The following PTPN1 variants were observed in gnomAD, a reference collection of about 807,000 sequenced individuals.
PTPN1 encodes tyrosine-protein phosphatase non-receptor type 1.
PTPN1 carries 12 observed loss-of-function variants against 59.9 expected under a neutral mutation model. That is an observed-to-expected ratio of 0.20 (90% CI 0.13 to 0.32). The LOEUF (loss-of-function observed/expected upper bound fraction) is 0.32, where lower values mean the gene tolerates loss of function less well. Among genes scored for constraint, PTPN1 ranks in the 10% least tolerant of loss-of-function variants. The pLI is 1.00. For synonymous variants in PTPN1, 178 were observed against 203.6 expected (o/e 0.87, Z 1.07); for missense variants, 356 against 549.2 (o/e 0.65, Z 3.52).
chr20:50,534,676 C>T (rs949406533), intron 1 of PTPN1, among the ~76,000 whole-genome samples: 39 of 152,028 alleles, frequency 2.6e-4, no homozygotes, highest in Admixed American at 2.1e-3. Flanking sequence ...ATCTTCAACT[C>T]TAATTTACTC....
chr20:50,533,399 G>A (rs1424431486), intron 1 of PTPN1, among the ~76,000 whole-genome samples: 1 of 151,948 alleles, frequency 6.6e-6, no homozygotes, highest in African/African-American at 2.4e-5. Flanking sequence ...AACTTGTCTT[G>A]GGAGCTCTCA....
chr20:50,563,487 G>T (rs933671576), intron 2 of PTPN1, among the ~76,000 whole-genome samples: 51 of 152,176 alleles, frequency 3.4e-4, no homozygotes, highest in African/African-American at 1.2e-3. Context: ...GAGTCACCCA[G>T]TGCTGTTTGA....
chr20:50,577,269 G>A (rs1392815132), intron 5 of PTPN1, among the ~76,000 whole-genome samples: 2 of 152,224 alleles, frequency 1.3e-5, no homozygotes, highest in Admixed American at 6.5e-5. Context: ...CACAGTGACT[G>A]GCACATGATT....
chr20:50,561,847 G>C (rs897250827), intron 2 of PTPN1, among the ~76,000 whole-genome samples: 1 of 152,122 alleles, frequency 6.6e-6, no homozygotes, highest in Non-Finnish European at 1.5e-5. Context: ...ACAGGCATTC[G>C]GGGTGGGCAC....
chr20:50,511,248 A>G (rs3787333), intron 1 of PTPN1, among the ~76,000 whole-genome samples: 2,929 of 152,306 alleles, frequency 0.019, 85 homozygotes, highest in East Asian at 0.13. Flanking sequence ...ACAAAAGCAA[A>G]TAATTTCAGA....
chr20:50,552,498 C>T (rs940705782), intron 1 of PTPN1, among the ~76,000 whole-genome samples: 5 of 152,082 alleles, frequency 3.3e-5, no homozygotes, highest in East Asian at 1.9e-4. Flanking sequence ...ATCCCATCTG[C>T]GCGTAGCAGC....
chr20:50,558,596 G>A (rs1417616179), intron 1 of PTPN1, among the ~76,000 whole-genome samples: 1 of 151,936 alleles, frequency 6.6e-6, no homozygotes, highest in Admixed American at 6.6e-5. Flanking sequence ...CATGTATCTG[G>A]GTGGTTGGTC....
chr20:50,530,175 A>ATTTTT (rs781236833), intron 1 of PTPN1, among the ~76,000 whole-genome samples: 1 of 121,090 alleles, frequency 8.3e-6, no homozygotes, highest in Non-Finnish European at 1.7e-5. Context: ...TGCCTGGCTG[A>ATTTTT]TTTTTTTTTT....
At position 50,579,878 on chromosome 20, in the gene PTPN1, A is replaced by G; in HGVS notation, c.1040A>G (p.Lys347Arg). ...ETQEDKDCPI[K>R]EEKGSPLNAA... ...CAGGAGGATAAAGACTGCCCCATCA[A>G]GGAAGAAAAAGGAAGCCCCTTAAAT... Residue 347 changes from lysine (K) to arginine (R), a missense_variant, in exon 8 of 10, where the codon AAG (lysine) becomes AGG (arginine). Physicochemically the swap from Lys to Arg is conservative, Grantham distance 26. This residue lies in a region of PTPN1 where 100 missense variants were observed against 107.7 expected (regional missense o/e 0.93). Coordinates refer to ENST00000371621, the MANE Select transcript of PTPN1 (RefSeq NM_002827.4). 1 of 1,614,176 alleles carries G rather than the reference A, an allele frequency of 6.2e-7. No homozygotes were observed. Among genetic ancestry groups the G allele is most frequent in the Non-Finnish European group, 8.5e-7 (1 of 1,180,028 alleles).
At chr20:50,531,849 G>A (rs900896377) in intron 1 of PTPN1, among the ~76,000 whole-genome samples, 5 of 151,636 alleles carry the variant, frequency 3.3e-5, no homozygotes, top group African/African-American at 4.8e-5. Flanking sequence ...TCCTCTCCCC[G>A]CTAGTGGTAC....
chr20:50,537,105 A>G (rs2082627110), intron 1 of PTPN1, among the ~76,000 whole-genome samples: 1 of 152,142 alleles, frequency 6.6e-6, no homozygotes, highest in Non-Finnish European at 1.5e-5. Flanking sequence ...CAGGCAGATC[A>G]TGAGGTCAGG....
intron 1 of PTPN1, among the ~76,000 whole-genome samples, chr20:50,520,573 A>C (rs1391921457): frequency 6.6e-6 from 1 of 152,190 alleles, no homozygotes; most frequent in African/African-American, 2.4e-5. Flanking sequence ...GGCTGTGTAT[A>C]GGAAACCTTC....
chr20:50,541,136 A>G (rs1394918725), intron 1 of PTPN1, among the ~76,000 whole-genome samples: 1 of 152,210 alleles, frequency 6.6e-6, no homozygotes, highest in African/African-American at 2.4e-5. Context: ...AACACCCAGC[A>G]TTCCCTGGAT....
chr20:50,525,963 T>A (rs1474065646), intron 1 of PTPN1, among the ~76,000 whole-genome samples: 1 of 152,070 alleles, frequency 6.6e-6, no homozygotes, highest in Non-Finnish European at 1.5e-5. Flanking sequence ...TAATGAGTGA[T>A]AAAAAGGCAT....
chr20:50,577,358 C>T (rs975071574), intron 5 of PTPN1: 1 of 152,282 alleles, frequency 6.6e-6, no homozygotes, highest in African/African-American at 2.4e-5. Context: ...CCATCAGCTG[C>T]TCGCCAGGTG....
At chr20:50,542,454 A>T (rs1378069998) in intron 1 of PTPN1, among the ~76,000 whole-genome samples, 1 of 152,132 alleles carries the variant, frequency 6.6e-6, no homozygotes, top group African/African-American at 2.4e-5. Flanking sequence ...TTCTTTGTTC[A>T]TCCTGATTTT....
intron 1 of PTPN1, among the ~76,000 whole-genome samples, chr20:50,535,320 G>T (rs796612799): frequency 1.1e-4 from 16 of 152,122 alleles, no homozygotes; most frequent in African/African-American, 3.6e-4. Flanking sequence ...CACCTGCAGC[G>T]CATGCTCCAC....
At chr20:50,529,188 G>A (rs1462138376) in intron 1 of PTPN1, among the ~76,000 whole-genome samples, 3 of 152,198 alleles carry the variant, frequency 2.0e-5, no homozygotes, top group Non-Finnish European at 4.4e-5. Flanking sequence ...TAGTTTCCCT[G>A]TGGCTTATTA....
intron 2 of PTPN1, chr20:50,562,885 C>G (rs1459300729): frequency 6.6e-6 from 1 of 152,074 alleles, no homozygotes; most frequent in African/African-American, 2.4e-5. Context: ...TATAGTTGCT[C>G]TAATTAGGGA....
Sources: gnomAD v4.1 joint callset for allele counts (sites outside exome capture counted in the v4.1 genomes callset) on GRCh38, gnomAD v4.1.1 for gene constraint, gnomAD v4.1.1 regional missense constraint, MANE v1.5 for transcripts, NCBI Gene and HGNC (gene_info 2026-07-23, HGNC 2026-07-21) for gene names.